The following NUP98 variants were observed in gnomAD, a reference collection of about 807,000 sequenced individuals.
The protein encoded by NUP98 is nuclear pore complex protein Nup98-Nup96.
In NUP98, 26 loss-of-function variants were observed where a neutral mutation model predicts 191.9. The ratio of observed to expected loss-of-function variants is 0.14; its 90% CI spans 0.10 to 0.19. The LOEUF is 0.19. NUP98 is among the 10% of genes least tolerant of loss of function. NUP98 has a pLI of 1.00. For synonymous variants in NUP98, 808 were observed against 778.4 expected (o/e 1.04, Z -0.63); for missense variants, 1,941 against 2,178.8 (o/e 0.89, Z 2.17).
At chr11:3,696,050 G>T (rs2078494933) in intron 25 of NUP98, among the ~76,000 whole-genome samples, 1 of 151,980 alleles carries the variant, frequency 6.6e-6, no homozygotes, top group Non-Finnish European at 1.5e-5. Flanking sequence ...AAATCACCGG[G>T]CGTGCTGGTG....
chr11:3,795,240 T>C (rs11029783), intron 1 of NUP98, among the ~76,000 whole-genome samples: 32,530 of 151,920 alleles, frequency 0.21, 3,542 homozygotes, highest in African/African-American at 0.24. Flanking sequence ...AGGAATTCGA[T>C]ACCAGCCTGG....
intron 26 of NUP98, among the ~76,000 whole-genome samples, chr11:3,693,657 C>T (rs2078394710): frequency 6.6e-6 from 1 of 152,074 alleles, no homozygotes. Flanking sequence ...CCTCCCAAAG[C>T]ATTGTGATTA....
intron 10 of NUP98, among the ~76,000 whole-genome samples, chr11:3,756,785 T>C (rs369240394): frequency 1.3e-5 from 2 of 152,054 alleles, no homozygotes; most frequent in African/African-American, 4.8e-5. Flanking sequence ...ACATCAAATA[T>C]ATCTTTAAAA....
At chr11:3,789,910 G>A (rs1418199548) in intron 1 of NUP98, among the ~76,000 whole-genome samples, 2 of 151,996 alleles carry the variant, frequency 1.3e-5, no homozygotes, top group African/African-American at 4.8e-5. Context: ...TCAGCCTCTC[G>A]AGAAGATGGG....
intron 12 of NUP98, among the ~76,000 whole-genome samples, chr11:3,736,082 G>GTA (rs1180663850): frequency 1.9e-4 from 28 of 145,136 alleles, no homozygotes; most frequent in African/African-American, 6.8e-4. Flanking sequence ...AATTTTGTGT[G>GTA]TGTGTGTGTG....
chr11:3,679,266 G>T (rs570889055), intron 31 of NUP98, among the ~76,000 whole-genome samples: 119 of 152,116 alleles, frequency 7.8e-4, no homozygotes, highest in African/African-American at 2.7e-3. Context: ...TCATCTTTGG[G>T]CTTCTCACTC....
intron 19 of NUP98, among the ~76,000 whole-genome samples, 199 bp from the exon 20 acceptor site, chr11:3,712,927 C>T (rs1358806572): frequency 6.6e-6 from 1 of 152,132 alleles, no homozygotes; most frequent in Non-Finnish European, 1.5e-5. Flanking sequence ...GTTGCTCATA[C>T]TAGTAAATTA....
intron 11 of NUP98, among the ~76,000 whole-genome samples, chr11:3,749,547 C>T (rs2080659972): frequency 3.3e-5 from 5 of 152,114 alleles, no homozygotes; most frequent in Admixed American, 3.3e-4. Flanking sequence ...ATCACTTGAA[C>T]CCAGGAGGCG....
At chr11:3,760,213 C>A in intron 10 of NUP98, 1 of 316,704 alleles carries the variant, frequency 3.2e-6, no homozygotes, top group Non-Finnish European at 5.8e-6. Context: ...AGGTTTGAAA[C>A]CTGGCCTCAT....
intron 2 of NUP98, among the ~76,000 whole-genome samples, chr11:3,781,209 A>AAAT (rs1554904019): frequency 3.3e-5 from 5 of 149,328 alleles, no homozygotes; most frequent in African/African-American, 1.2e-4. Context: ...AAAAAAAAAA[A>AAAT]TTTTCATCAA....
chr11:3,691,161 A>G (rs1312260783), intron 28 of NUP98, among the ~76,000 whole-genome samples, 186 bp downstream of exon 28: 3 of 152,234 alleles, frequency 2.0e-5, no homozygotes, highest in East Asian at 1.9e-4. Flanking sequence ...AAAGTTGATT[A>G]AAATAATTTT....
intron 4 of NUP98, among the ~76,000 whole-genome samples, chr11:3,776,326 T>C (rs1346922241): frequency 6.6e-6 from 1 of 151,696 alleles, no homozygotes. Context: ...CCTTTTGCCA[T>C]GTTGCTCGGG....
intron 12 of NUP98, among the ~76,000 whole-genome samples, chr11:3,743,129 C>A (rs980243029): frequency 6.6e-6 from 1 of 151,934 alleles, no homozygotes; most frequent in Non-Finnish European, 1.5e-5. Flanking sequence ...AGCGATTCTC[C>A]TGCCTCAGCC....
chr11:3,774,501 G>A (rs531525903), intron 5 of NUP98, among the ~76,000 whole-genome samples: 2 of 152,066 alleles, frequency 1.3e-5, no homozygotes, highest in East Asian at 1.9e-4. Context: ...GAGGCGGGTG[G>A]ATCACTTGAG....
At chr11:3,757,066 C>T (rs908024636) in intron 10 of NUP98, among the ~76,000 whole-genome samples, 5 of 149,992 alleles carry the variant, frequency 3.3e-5, no homozygotes, top group Admixed American at 6.7e-5. Flanking sequence ...CCAGCCCGGG[C>T]GACAGAGCGA....
intron 5 of NUP98, among the ~76,000 whole-genome samples, chr11:3,775,246 C>G (rs986825218): frequency 3.3e-5 from 5 of 152,130 alleles, no homozygotes; most frequent in African/African-American, 1.2e-4. Context: ...ATTAGTTGAC[C>G]AGGCCGGGCA....
chr11:3,676,474 A>T, intron 32 of NUP98, 35 bp downstream of exon 32: 1 of 1,606,692 alleles, frequency 6.2e-7, no homozygotes, highest in Non-Finnish European at 8.5e-7. Flanking sequence ...ACAGGAAGCA[A>T]GAAGGCAGAA....
chr11:3,700,234 CT>C (rs1372795332), intron 24 of NUP98, among the ~76,000 whole-genome samples: 5 of 143,940 alleles, frequency 3.5e-5, no homozygotes. Context: ...CGCGCCTATA[CT>C]CCCAGCTACA....
At chr11:3,679,326 AATGTCT>A in intron 31 of NUP98, 1 of 630,436 alleles carries the variant, frequency 1.6e-6, no homozygotes. Flanking sequence ...AAGCCTCAGG[AATGTCT>A]ATTGCACATA....
Sources: gnomAD v4.1 joint callset for allele counts (sites outside exome capture counted in the v4.1 genomes callset) on GRCh38, gnomAD v4.1.1 for gene constraint, MANE v1.5 for transcripts, NCBI Gene and HGNC (gene_info 2026-07-23, HGNC 2026-07-21) for gene names.